Variants in SOX6 observed in about 807,000 individuals in gnomAD.
The protein encoded by SOX6 is transcription factor SOX-6.
A neutral mutation model predicts 97.8 loss-of-function variants in SOX6; 11 were observed. The ratio of observed to expected loss-of-function variants is 0.11; its 90% CI spans 0.07 to 0.19. The LOEUF (loss-of-function observed/expected upper bound fraction) is 0.19. Ranked by LOEUF, SOX6 falls within the 10% of genes least tolerant of loss-of-function variation. SOX6 has a pLI of 1.00. For missense variants in SOX6, 810 were observed against 1,039.5 expected, an observed-to-expected ratio of 0.78 and a Z score of 3.04; for synonymous variants, 360 against 371.4, an observed-to-expected ratio of 0.97 and a Z score of 0.35.
At chr11:16,561,025 A>T (rs1847809304) in intron 4 of SOX6, among the ~76,000 whole-genome samples, 1 of 152,090 alleles carries the variant, frequency 6.6e-6, no homozygotes, top group African/African-American at 2.4e-5. Context: ...AGGGTATACT[A>T]CTTGGGTGAT....
At chr11:16,366,356 A>G (rs2134385272) in intron 1 of SOX6, among the ~76,000 whole-genome samples, 1 of 152,282 alleles carries the variant, frequency 6.6e-6, no homozygotes, top group African/African-American at 2.4e-5. Context: ...TCTACATGCA[A>G]CTGAAACAAA....
chr11:16,125,918 C>A (rs1849600061), intron 6 of SOX6, among the ~76,000 whole-genome samples: 2 of 151,552 alleles, frequency 1.3e-5, no homozygotes, highest in African/African-American at 4.9e-5. Context: ...TGCCATTATT[C>A]TCTACTCTCC....
chr11:16,662,421 TC>T (rs1159243177), intron 3 of SOX6, among the ~76,000 whole-genome samples: 3 of 152,238 alleles, frequency 2.0e-5, no homozygotes, highest in African/African-American at 7.2e-5. Context: ...TCCTCTGGTT[TC>T]TTTCAAAACA....
chr11:16,384,852 A>C (rs1283550075), intron 1 of SOX6, among the ~76,000 whole-genome samples: 8 of 152,062 alleles, frequency 5.3e-5, no homozygotes. Flanking sequence ...TGTAGTATCT[A>C]TCTCTCTTTG....
At chr11:16,260,375 T>C (rs755406973) in intron 3 of SOX6, among the ~76,000 whole-genome samples, 7 of 152,310 alleles carry the variant, frequency 4.6e-5, no homozygotes, top group Middle Eastern at 3.4e-3. Flanking sequence ...TGTTATATTG[T>C]GAAAATGAAA....
rs755507357 is a variant in SOX6 at position 16,095,980 on chromosome 11, A to G, written c.1101+16T>C. On this transcript the variant is annotated intron_variant, in intron 9 of 15. Transcript: ENST00000683767. ...CAGTCCCCAACCCAATGAAGCATCA[A>G]TGGAAGCATTCATACCTCAATCTGT... 2.4e-5 allele frequency: 39 copies of G among 1,610,680 alleles called. No homozygotes were observed. Among genetic ancestry groups the G allele is most frequent in the South Asian group, 4.4e-5 (4 of 91,020 alleles).
In SOX6 at chr11:16,560,559, G is replaced by GAAAATGTA. The variant is rs1565180689; in HGVS notation, n.609+51521_609+51522insTACATTTT. Among the ~76,000 whole-genome samples, 27 of 107,950 alleles carry GAAAATGTA rather than the reference G, an allele frequency of 2.5e-4. 8 individuals carry two copies. Among genetic ancestry groups the GAAAATGTA allele is most frequent in the Non-Finnish European group, 2.9e-4 (14 of 47,552 alleles). 70.8% of individuals were successfully genotyped at this position (107,950 alleles called of 152,430 possible). A position where few individuals can be genotyped will look rare whatever the true frequency, so the allele number is the denominator to read the frequency against. ...TGTTTATACGTACATATGTTTATAC[G>GAAAATGTA]TACATATATGTTTATACGTACATAT... is the stretch of plus-strand genomic sequence containing the variant. On this transcript the variant is annotated intron_variant and non_coding_transcript_variant, in intron 4 of 5. Transcript: ENST00000524520.
intron 4 of SOX6, among the ~76,000 whole-genome samples, chr11:16,577,565 T>C (rs1321436911): frequency 6.6e-6 from 1 of 152,346 alleles, no homozygotes; most frequent in Admixed American, 6.5e-5. Flanking sequence ...TTCCAATGAA[T>C]GTTCCACCTT....
chr11:16,117,113 G>A (rs1444979653), intron 6 of SOX6, among the ~76,000 whole-genome samples: 1 of 152,114 alleles, frequency 6.6e-6, no homozygotes, highest in African/African-American at 2.4e-5. Flanking sequence ...ACTTTGGGAG[G>A]CCAAGCCGGG....
At chr11:16,508,433 C>T (rs894795592) in intron 4 of SOX6, among the ~76,000 whole-genome samples, 7 of 152,058 alleles carry the variant, frequency 4.6e-5, no homozygotes, top group African/African-American at 1.7e-4. Context: ...TTCACTGTAG[C>T]AAAGTCATAA....
intron 4 of SOX6, among the ~76,000 whole-genome samples, chr11:16,222,653 A>G (rs1017402516): frequency 1.3e-5 from 2 of 152,166 alleles, no homozygotes; most frequent in Non-Finnish European, 1.5e-5. Flanking sequence ...TAAGAGTGCA[A>G]ATGTCTCCTG....
rs576707397 is a variant in SOX6, at chr11:15,999,557, A to C, written c.1733-10327T>G. On this transcript the variant is annotated intron_variant, in intron 13 of 15. Transcript: ENST00000683767. ...ATGACACCAAAAACAAAAACCCCAC[A>C]AAATAAAGCAGAAAACCAACCATCC... is the stretch of plus-strand genomic sequence containing the variant. 2.0e-5 allele frequency among the ~76,000 whole-genome samples: 3 copies of C among 152,298 alleles called. No individual in the cohort carries two copies. In the South Asian group the frequency reaches 6.2e-4, roughly 32 times the overall value.
chr11:16,299,523 A>G (rs2093717171), intron 3 of SOX6, among the ~76,000 whole-genome samples: 2 of 152,284 alleles, frequency 1.3e-5, no homozygotes, highest in African/African-American at 4.8e-5. Context: ...TTCCCTAAGA[A>G]CTGGTTAATA....
chr11:16,611,558 A>G (rs1452016323), intron 4 of SOX6, among the ~76,000 whole-genome samples: 1 of 152,196 alleles, frequency 6.6e-6, no homozygotes, highest in Non-Finnish European at 1.5e-5. Flanking sequence ...CTTAAACGGG[A>G]TAACAAATAA....
rs185974687 is a variant in SOX6, at chr11:16,011,911, G to A, written c.1732+3031C>T. Among the ~76,000 whole-genome samples the A allele has an allele frequency of 2.6e-5, 4 of 152,160 alleles. No homozygotes were observed. The East Asian group carries it at 7.8e-4, about 30-fold the overall frequency. ...CAAATCCTCTATACAGCACAAAGAA[G>A]TCCTGATCTTCTTAGCACTTTTCTC... On this transcript the variant is annotated intron_variant, in intron 13 of 15. Transcript: ENST00000683767.
intron 3 of SOX6, among the ~76,000 whole-genome samples, chr11:16,311,079 G>T (rs1389996571): frequency 6.6e-6 from 1 of 152,010 alleles, no homozygotes; most frequent in Non-Finnish European, 1.5e-5. Context: ...GCTTTCAGTG[G>T]GGAAACTTTA....
At chr11:16,318,124 A>G (rs2134301337) in intron 3 of SOX6, 1 of 384,520 alleles carries the variant, frequency 2.6e-6, no homozygotes, top group African/African-American at 2.1e-5. Context: ...AATAGGGGAG[A>G]AAAAATGAAA....
chr11:16,006,297 A>T (rs1854553530), intron 13 of SOX6, among the ~76,000 whole-genome samples: 1 of 152,082 alleles, frequency 6.6e-6, no homozygotes. Flanking sequence ...ATCAGTCTTG[A>T]ATGATTAAAG....
intron 3 of SOX6, among the ~76,000 whole-genome samples, chr11:16,243,978 T>C (rs1265497890): frequency 1.3e-5 from 2 of 151,994 alleles, no homozygotes; most frequent in South Asian, 2.1e-4. Context: ...AAAACTAATA[T>C]ACAAATTCAT....
Sources: allele counts gnomAD v4.1 joint callset (sites outside exome capture counted in the v4.1 genomes callset), GRCh38; gene constraint gnomAD v4.1.1; transcripts MANE v1.5; gene names NCBI Gene and HGNC (gene_info 2026-07-23, HGNC 2026-07-21).